Variants in TBC1D5 observed in about 807,000 individuals in gnomAD.
TBC1D5 encodes TBC1 domain family member 5, also known as TBC1 domain family, member 5.
Under a neutral mutation model 100.3 loss-of-function variants are expected in TBC1D5, and 75 were observed. That is an observed-to-expected ratio of 0.75 (90% confidence interval 0.62 to 0.91). TBC1D5 has a LOEUF of 0.91. TBC1D5 is among the 40% of genes least tolerant of loss of function. TBC1D5 has a pLI of 0.00. For synonymous variants in TBC1D5, 323 were observed against 325.6 expected (o/e 0.99, Z 0.09); for missense variants, 910 against 942.4 (o/e 0.97, Z 0.45).
intron 3 of TBC1D5, among the ~76,000 whole-genome samples, chr3:17,493,683 A>G (rs138715002): frequency 8.6e-4 from 131 of 152,234 alleles, no homozygotes; most frequent in African/African-American, 2.7e-3. Flanking sequence ...ATAGTCTTCA[A>G]AGTCTGATAT....
intron 1 of TBC1D5, chr3:17,647,081 A>C (rs2065084556): frequency 6.6e-6 from 1 of 152,126 alleles, no homozygotes; most frequent in Non-Finnish European, 1.5e-5. Context: ...AGAGACCATC[A>C]CTCACTGCTC....
At chr3:17,520,929 G>C (rs2096057333) in intron 2 of TBC1D5, among the ~76,000 whole-genome samples, 1 of 152,088 alleles carries the variant, frequency 6.6e-6, no homozygotes, top group Non-Finnish European at 1.5e-5. Flanking sequence ...TCATCCAAAG[G>C]CAGGAAAGAC....
chr3:17,554,992 G>A (rs1305033465), intron 2 of TBC1D5, among the ~76,000 whole-genome samples: 1 of 152,004 alleles, frequency 6.6e-6, no homozygotes, highest in Admixed American at 6.5e-5. Context: ...TGGGATTACA[G>A]GCACGTGCCA....
chr3:17,716,969 G>A (rs1359132696), intron 1 of TBC1D5, among the ~76,000 whole-genome samples: 1 of 152,088 alleles, frequency 6.6e-6, no homozygotes, highest in African/African-American at 2.4e-5. Context: ...AGGAAAGAGG[G>A]ACCTGACTTC....
At chr3:17,481,180 C>CGCA (rs1226063503) in intron 3 of TBC1D5, among the ~76,000 whole-genome samples, 2 of 152,222 alleles carry the variant, frequency 1.3e-5, no homozygotes, top group Admixed American at 1.3e-4. Context: ...CTGATCAAGC[C>CGCA]GCAGCTTTGC....
chr3:17,469,579 T>C (rs1039288055), intron 3 of TBC1D5, among the ~76,000 whole-genome samples: 1 of 151,894 alleles, frequency 6.6e-6, no homozygotes, highest in African/African-American at 2.4e-5. Context: ...GTAAAACGCA[T>C]CTTTACTTAG....
chr3:17,463,621 G>T (rs2095252103), intron 3 of TBC1D5, among the ~76,000 whole-genome samples: 1 of 152,110 alleles, frequency 6.6e-6, no homozygotes, highest in Non-Finnish European at 1.5e-5. Flanking sequence ...GATTCCAAAA[G>T]ATTCATGATT....
intron 8 of TBC1D5, among the ~76,000 whole-genome samples, chr3:17,392,761 T>C (rs575688824): frequency 1.3e-5 from 2 of 152,280 alleles, no homozygotes; most frequent in South Asian, 4.1e-4. Flanking sequence ...ATCTAGTCTA[T>C]CTTTGATGGG....
chr3:17,549,724 A>C (rs1378640052), intron 2 of TBC1D5, among the ~76,000 whole-genome samples: 3 of 152,138 alleles, frequency 2.0e-5, no homozygotes, highest in Non-Finnish European at 4.4e-5. Context: ...TGAGGTCAGG[A>C]GTTCAAGACC....
intron 1 of TBC1D5, among the ~76,000 whole-genome samples, chr3:17,654,712 T>C (rs1315960742): frequency 1.3e-5 from 2 of 152,136 alleles, no homozygotes; most frequent in African/African-American, 2.4e-5. Context: ...TTTCTATTGA[T>C]TGGAATAGTT....
intron 16 of TBC1D5, among the ~76,000 whole-genome samples, chr3:17,255,239 C>T (rs995155589): frequency 3.3e-5 from 5 of 152,122 alleles, no homozygotes; most frequent in Non-Finnish European, 7.4e-5. Context: ...CTCTCTCTGT[C>T]GCCCAGGCTG....
At chr3:17,616,460 G>C (rs1391766893) in intron 2 of TBC1D5, among the ~76,000 whole-genome samples, 1 of 151,926 alleles carries the variant, frequency 6.6e-6, no homozygotes, top group African/African-American at 2.4e-5. Flanking sequence ...CTTCTGTCTC[G>C]GTGATCTGTC....
chr3:17,335,674 TGATCTACGTTTTAAG>T, intron 13 of TBC1D5, among the ~76,000 whole-genome samples: 1 of 152,242 alleles, frequency 6.6e-6, no homozygotes, highest in South Asian at 2.1e-4. Context: ...ATCGAAACAA[TGATCTACGTTTTAAG>T]GAGTCTATAT....
At chr3:17,326,903 G>C (rs2086224751) in intron 13 of TBC1D5, among the ~76,000 whole-genome samples, 1 of 152,134 alleles carries the variant, frequency 6.6e-6, no homozygotes, top group Non-Finnish European at 1.5e-5. Context: ...AAAAACCTTG[G>C]AGTCTTCATT....
intron 17 of TBC1D5, among the ~76,000 whole-genome samples, chr3:17,221,689 A>C (rs2074307903): frequency 6.6e-6 from 1 of 152,166 alleles, no homozygotes; most frequent in Non-Finnish European, 1.5e-5. Flanking sequence ...GGGAATGAGG[A>C]CCTTGGTCCT....
intron 3 of TBC1D5, among the ~76,000 whole-genome samples, chr3:17,483,072 G>A (rs147074300): frequency 1.1e-3 from 174 of 152,136 alleles, no homozygotes; most frequent in Non-Finnish European, 2.0e-3. Flanking sequence ...GTGTTTAAAT[G>A]GCAAAAAATT....
At chr3:17,381,717 C>T (rs1333063279) in intron 9 of TBC1D5, among the ~76,000 whole-genome samples, 2 of 152,042 alleles carry the variant, frequency 1.3e-5, no homozygotes, top group East Asian at 1.9e-4. Context: ...ACTTTTTATC[C>T]GACTTGTAGA....
chr3:17,715,855 G>A (rs1244353531), intron 1 of TBC1D5, among the ~76,000 whole-genome samples: 1 of 151,998 alleles, frequency 6.6e-6, no homozygotes, highest in Non-Finnish European at 1.5e-5. Flanking sequence ...TCAAGAGTTT[G>A]AGACCAGCCT....
At chr3:17,485,701 A>G (rs1576299178) in intron 3 of TBC1D5, among the ~76,000 whole-genome samples, 1 of 152,122 alleles carries the variant, frequency 6.6e-6, no homozygotes, top group South Asian at 2.1e-4. Context: ...ATAGTATTCC[A>G]TGATGTATAT....
Sources: allele counts gnomAD v4.1 joint callset (sites outside exome capture counted in the v4.1 genomes callset), GRCh38; gene constraint gnomAD v4.1.1; transcripts MANE v1.5; gene names NCBI Gene and HGNC (gene_info 2026-07-23, HGNC 2026-07-21).